Variants in SPECC1L observed in about 807,000 individuals in gnomAD.
SPECC1L encodes the protein cytospin-A.
SPECC1L carries 40 observed loss-of-function variants against 116.8 expected under a neutral mutation model. The observed-to-expected ratio is 0.34, with a 90% confidence interval of 0.27 to 0.45. SPECC1L has a LOEUF of 0.45. Ranked by LOEUF, SPECC1L falls within the 20% of genes least tolerant of loss-of-function variation. The pLI is 1.00. For synonymous variants in SPECC1L, 504 were observed against 500.6 expected (o/e 1.01, Z -0.09); for missense variants, 1,110 against 1,373.6 (o/e 0.81, Z 3.03).
chr22:24,393,904 T>G (rs964360607), intron 14 of SPECC1L, among the ~76,000 whole-genome samples: 1 of 152,160 alleles, frequency 6.6e-6, no homozygotes, highest in African/African-American at 2.4e-5. Context: ...TTGTTTGTAT[T>G]TGTTATAGTT....
chr22:24,341,529 G>T (rs540337647), intron 10 of SPECC1L, among the ~76,000 whole-genome samples: 1 of 152,104 alleles, frequency 6.6e-6, no homozygotes, highest in Non-Finnish European at 1.5e-5. Flanking sequence ...TAGATCTGCC[G>T]TAAAAGATCT....
At chr22:24,412,564 G>A (rs2146824206) in intron 15 of SPECC1L, 84 bp from the exon 16 acceptor site, 1 of 1,247,714 alleles carries the variant, frequency 8.0e-7, no homozygotes, top group Non-Finnish European at 1.2e-6. Context: ...TCCTTCAGAT[G>A]CATCTGTCCC....
chr22:24,322,306 G>C lies in SPECC1L; in HGVS notation c.1326G>C (p.Lys442Asn). ...AAAACGAAAGGCTTGGAGAAGAGAA[G>C]GTTATTCTGATGGAGTCTTTATGTC... ...NSENERLGEE[K>N]VILMESLCQQ... is the part of the protein sequence containing the mutation. The change falls in exon 5 of 17, where the codon AAG becomes AAC. Residue 442 changes from lysine to asparagine, a missense_variant. Lys to Asn is a moderately conservative substitution (Grantham distance 94). Transcript: ENST00000314328. 6.2e-7 allele frequency: 1 copy of C among 1,614,220 alleles called. No homozygotes were observed. Among genetic ancestry groups the C allele is most frequent in the Non-Finnish European group, 8.5e-7 (1 of 1,180,042 alleles).
rs1284239351 is a variant in SPECC1L at position 24,417,738 on chromosome 22, G to A, written c.*3115G>A. The A allele has an allele frequency of 6.6e-6, 1 of 152,236 alleles. No individual in the cohort carries two copies. Among genetic ancestry groups the A allele is most frequent in the East Asian group, 1.9e-4 (1 of 5,202 alleles). The allele number at this position is 152,236 out of a possible 1,614,324, so 9.4% of individuals were successfully genotyped here. Reference sequence around the variant, plus strand: ...CAACCAGATAAACTTTTTTGCCTGTGCATTGTTTTTTGTTGGTTTTTTCGA... The same window carrying A: ...CAACCAGATAAACTTTTTTGCCTGTACATTGTTTTTTGTTGGTTTTTTCGA... On this transcript the variant is annotated 3_prime_UTR_variant, in exon 17 of 17. Transcript: ENST00000314328.
At chr22:24,406,908 C>G (rs1008113346) in intron 14 of SPECC1L, among the ~76,000 whole-genome samples, 1 of 152,208 alleles carries the variant, frequency 6.6e-6, no homozygotes, top group Non-Finnish European at 1.5e-5. Context: ...TCAAACCATG[C>G]AACAGCCAGT....
intron 14 of SPECC1L, among the ~76,000 whole-genome samples, chr22:24,376,035 C>T (rs1179654567): frequency 2.0e-5 from 3 of 152,042 alleles, no homozygotes; most frequent in Non-Finnish European, 4.4e-5. Context: ...AAAGCTTTCC[C>T]CTTAAGATCA....
At chr22:24,275,074 TCACCTTGCCTGGAA>T (rs2048808679) in intron 1 of SPECC1L, among the ~76,000 whole-genome samples, 1 of 152,254 alleles carries the variant, frequency 6.6e-6, no homozygotes, top group Non-Finnish European at 1.5e-5. Context: ...AGCTCAGGCA[TCACCTTGCCTGGAA>T]GGCTTCCCTA....
intron 5 of SPECC1L, chr22:24,323,208 C>T (rs1410303859): frequency 7.4e-6 from 5 of 673,028 alleles, no homozygotes; most frequent in Non-Finnish European, 9.2e-6. Flanking sequence ...CTGAGTATTC[C>T]TATGGAGCGG....
chr22:24,302,410 G>A lies in SPECC1L; in HGVS notation c.153+26G>A, dbSNP rs368914659. 1.9e-6 allele frequency: 3 copies of A among 1,613,316 alleles called. No individual in the cohort carries two copies. In the African/African-American group the frequency reaches 4.0e-5, roughly 22 times the overall value. On this transcript the variant is annotated intron_variant, in intron 3 of 16. Coordinates refer to ENST00000314328, the MANE Select transcript of SPECC1L (RefSeq NM_015330.6). ...GTATTCATGTGATGTTTGAATACAT[G>A]ATGGGTTTTTGGAGGACTGAATTTA...
chr22:24,279,397 A>AT lies in SPECC1L; in HGVS notation c.-38+2598dup, dbSNP rs1439045667. Among the ~76,000 whole-genome samples, 4 of 152,110 alleles carry AT rather than the reference A, an allele frequency of 2.6e-5. No homozygotes were observed. In the South Asian group the frequency reaches 8.3e-4, roughly 32 times the overall value. Reference sequence around the variant, plus strand: ...AAAAATTTGACTTTGTTTACTTTTTATTTTATTTTAATTTAGAGACAAGGT... The same window carrying AT: ...AAAAATTTGACTTTGTTTACTTTTTATTTTTATTTTAATTTAGAGACAAGGT... On this transcript the variant is annotated intron_variant, in intron 2 of 16. Transcript: ENST00000314328.
chr22:24,324,667 A>G (rs1021912615), intron 6 of SPECC1L, among the ~76,000 whole-genome samples: 4 of 152,112 alleles, frequency 2.6e-5, no homozygotes, highest in African/African-American at 7.2e-5. Flanking sequence ...CCTGGCCAAC[A>G]TGGTAAAACC....
At chr22:24,306,030 C>T (rs780079691) in intron 3 of SPECC1L, among the ~76,000 whole-genome samples, 2 of 151,874 alleles carry the variant, frequency 1.3e-5, no homozygotes, top group African/African-American at 2.4e-5. Flanking sequence ...CTCAGCCTCC[C>T]GAGTAGCTGG....
intron 11 of SPECC1L, among the ~76,000 whole-genome samples, chr22:24,350,613 C>A (rs2041402284): frequency 6.6e-6 from 1 of 152,150 alleles, no homozygotes; most frequent in African/African-American, 2.4e-5. Context: ...TGCTTAGCTG[C>A]CAGCAAATAA....
chr22:24,409,834 G>A (rs1268424615), intron 14 of SPECC1L, among the ~76,000 whole-genome samples: 1 of 152,104 alleles, frequency 6.6e-6, no homozygotes, highest in Non-Finnish European at 1.5e-5. Flanking sequence ...AGACCAGCCT[G>A]GGCGACATAG....
At chr22:24,317,678 T>C (rs1311446294) in intron 4 of SPECC1L, among the ~76,000 whole-genome samples, 1 of 151,704 alleles carries the variant, frequency 6.6e-6, no homozygotes. Flanking sequence ...CCCATCTCCC[T>C]CCTGGACGGG....
At chr22:24,328,552 A>G (rs2040874500) in intron 6 of SPECC1L, among the ~76,000 whole-genome samples, 2 of 152,198 alleles carry the variant, frequency 1.3e-5, no homozygotes, top group African/African-American at 2.4e-5. Context: ...TTGATTGGTT[A>G]TGTACCAACA....
chr22:24,392,143 A>C (rs2042285766), intron 14 of SPECC1L, among the ~76,000 whole-genome samples: 1 of 152,194 alleles, frequency 6.6e-6, no homozygotes, highest in African/African-American at 2.4e-5. Context: ...GGCTCTTTCC[A>C]CTGAGCTGTC....
intron 2 of SPECC1L, among the ~76,000 whole-genome samples, chr22:24,297,789 A>G (rs1428725743): frequency 6.6e-6 from 1 of 152,230 alleles, no homozygotes; most frequent in Non-Finnish European, 1.5e-5. Context: ...ATGAGTCCTC[A>G]CTTTGTCCGA....
Position 24,322,620 on chromosome 22 carries a change from T to C in SPECC1L, c.1640T>C (p.Ile547Thr). 1 of 1,614,120 alleles carries C rather than the reference T, an allele frequency of 6.2e-7. No individual in the cohort carries two copies. Among genetic ancestry groups the C allele is most frequent in the Non-Finnish European group, 8.5e-7 (1 of 1,180,012 alleles). Residue 547 changes from isoleucine (I) to threonine (T), a missense_variant, in exon 5 of 17, where the codon ATT becomes ACT. Ile to Thr is a moderately conservative substitution (Grantham distance 89). This residue lies in a region of SPECC1L where 575 missense variants were observed against 682.4 expected (regional missense o/e 0.84). Transcript: ENST00000314328. ...GAACGCAGTCACCATATGGAGCGAATTATTGAGTCTGAGCAGAAAGGAAAA... is the reference window on the plus strand; with the variant it reads ...GAACGCAGTCACCATATGGAGCGAACTATTGAGTCTGAGCAGAAAGGAAAA... ...LKERSHHMER[I>T]IESEQKGKAA...
Sources: allele counts gnomAD v4.1 joint callset (sites outside exome capture counted in the v4.1 genomes callset), GRCh38; gene constraint gnomAD v4.1.1; regional missense constraint gnomAD v4.1.1; transcripts MANE v1.5; gene names NCBI Gene and HGNC (gene_info 2026-07-23, HGNC 2026-07-21).